Variants in SNED1 observed in about 807,000 individuals in gnomAD.
SNED1 encodes sushi, nidogen and EGF like domains 1.
A neutral mutation model predicts 166.7 loss-of-function variants in SNED1; 81 were observed. That is an observed-to-expected ratio of 0.49 (90% CI 0.41 to 0.58). The LOEUF (loss-of-function observed/expected upper bound fraction) is 0.58. SNED1 is among the 20% of genes least tolerant of loss of function. SNED1 has a pLI of 0.00. For synonymous variants in SNED1, 762 were observed against 822.0 expected, an observed-to-expected ratio of 0.93 and a Z score of 1.25; for missense variants, 1,604 against 2,000.2, an observed-to-expected ratio of 0.80 and a Z score of 3.78.
chr2:241,001,683 C>T (rs889871373), intron 1 of SNED1, among the ~76,000 whole-genome samples: 1 of 152,058 alleles, frequency 6.6e-6, no homozygotes, highest in Admixed American at 6.5e-5. Context: ...GAGTGGTTTC[C>T]TAGGGGCAGG....
In SNED1 at chr2:241,062,670, C is replaced by T. The variant is rs994250029; in HGVS notation, c.2258-121C>T. On this transcript the variant is annotated intron_variant, in intron 16 of 31. Coordinates refer to ENST00000310397, the MANE Select transcript of SNED1 (RefSeq NM_001080437.3). The stretch of plus-strand genomic sequence containing the variant: ...AGGATATCCAGCCCTGGTCTCTGGC[C>T]TTTCCAACCACTGATGATGTATCAT... The T allele has an allele frequency of 4.7e-5, 35 of 743,262 alleles. No individual in the cohort carries two copies. In the African/African-American group the frequency reaches 5.9e-4, roughly 12 times the overall value. The allele number at this position is 743,262 out of a possible 1,614,324, so 46.0% of individuals were successfully genotyped here. A position where few individuals can be genotyped will look rare whatever the true frequency, so the allele number is the denominator to read the frequency against.
In SNED1 at chr2:241,071,847, C is replaced by T. The variant is rs1363605202; in HGVS notation, c.3786C>T (p.Gly1262=). Residue 1262 remains glycine (G), a synonymous_variant, in exon 26 of 32, where the codon GGC becomes GGT. Transcript: ENST00000310397. ...GRGRVSARFG[G]SPSKAATVRS... is the part of the protein sequence containing the mutation. ...GAAGAGTGAGCGCCAGGTTCGGTGG[C>T]TCACCCAGCAAAGCAGCCACCGTGA... 6.2e-7 allele frequency: 1 copy of T among 1,605,392 alleles called. No individual in the cohort carries two copies. Among genetic ancestry groups the T allele is most frequent in the East Asian group, 2.2e-5 (1 of 44,568 alleles).
rs759100391 is a variant in SNED1, at chr2:241,033,785, C to T, written c.552C>T (p.Thr184=). ...VLITDGKLSF[T]IFNYESIVWT... ...TCACAGACGGCAAGCTCTCCTTCAC[C>T]ATCTTCAACTATGAGTCCATCGTGT... Residue 184 remains threonine (T), a synonymous_variant, in exon 3 of 32, where the codon ACC becomes ACT. Coordinates refer to ENST00000310397, the MANE Select transcript of SNED1 (RefSeq NM_001080437.3). 6.2e-7 allele frequency: 1 copy of T among 1,611,894 alleles called. No homozygotes were observed. Among genetic ancestry groups the T allele is most frequent in the Non-Finnish European group, 8.5e-7 (1 of 1,179,524 alleles).
chr2:241,057,380 A>AAAAAATATATATATATAT (rs377141068), intron 16 of SNED1, among the ~76,000 whole-genome samples: 1 of 118,132 alleles, frequency 8.5e-6, no homozygotes, highest in African/African-American at 3.8e-5. Context: ...TCCATCTCAA[A>AAAAAATATATATATATAT]ATATATATAT....
At position 241,030,295 on chromosome 2, in the gene SNED1, C is replaced by G; in HGVS notation, c.225C>G (p.Asn75Lys). The change falls in exon 2 of 32, where the codon AAC (asparagine) becomes AAG (lysine). Residue 75 changes from asparagine (N) to lysine (K), a missense_variant. Coordinates refer to ENST00000310397, the MANE Select transcript of SNED1 (RefSeq NM_001080437.3). The stretch of plus-strand genomic sequence containing the variant: ...TTTCTGCCTCCCAGGTGAACAACAA[C>G]GGGATCATCTCCTTCCTGAAGGAGG... ...AEHSGLYVNN[N>K]GIISFLKEVS... The G allele has an allele frequency of 1.3e-6, 2 of 1,588,710 alleles. No individual in the cohort carries two copies. The highest frequency in any genetic ancestry group is 1.7e-6 in the Non-Finnish European group (2 of 1,164,890).
chr2:241,034,610 C>T lies in SNED1; in HGVS notation c.685C>T (p.Pro229Ser). Residue 229 changes from proline (P) to serine (S), a missense_variant, in exon 4 of 32, where the codon CCC (proline) becomes TCC (serine). Pro to Ser is a moderately conservative substitution (Grantham distance 74, BLOSUM62 -1). Around this residue, in one of 2 missense-constraint regions of SNED1, gnomAD observed 1,237 missense variants for 1,620.8 expected, o/e 0.76. Coordinates refer to ENST00000310397, the MANE Select transcript of SNED1 (RefSeq NM_001080437.3). ...AGDGQRYFSI[P>S]GSRTADMAEV... ...CGATGGGCAGCGTTACTTCAGTATCCCCGGCTCGCGCACAGCAGACATGGC... is the reference window on the plus strand; with the variant it reads ...CGATGGGCAGCGTTACTTCAGTATCTCCGGCTCGCGCACAGCAGACATGGC... 1.2e-6 allele frequency: 2 copies of T among 1,611,366 alleles called. No homozygotes were observed. The highest frequency in any genetic ancestry group is 2.2e-5 in the South Asian group (2 of 90,962).
At position 241,063,639 on chromosome 2, in the gene SNED1, C is replaced by T; in HGVS notation, c.2424C>T (p.Asn808=). ...HPCRNGGSCR[N]LPGAYVCRCP... The stretch of plus-strand genomic sequence containing the variant: ...GCAGAAATGGAGGGTCCTGCAGGAA[C>T]CTCCCAGGGGCCTATGTCTGCCGGT... The change falls in exon 18 of 32, where the codon AAC becomes AAT. Residue 808 remains asparagine, a synonymous_variant. Transcript: ENST00000310397. 2.5e-6 allele frequency: 4 copies of T among 1,612,468 alleles called. No individual in the cohort carries two copies. Among genetic ancestry groups the T allele is most frequent in the Non-Finnish European group, 3.4e-6 (4 of 1,179,376 alleles).
At chr2:241,078,449 A>C (rs1221276278) in intron 27 of SNED1, among the ~76,000 whole-genome samples, 46 of 151,796 alleles carry the variant, frequency 3.0e-4, no homozygotes, top group Admixed American at 2.5e-3. Flanking sequence ...CACTCAATGG[A>C]ACACGATTCA....
In SNED1 at chr2:241,094,316, A is replaced by G. The variant is rs1208214312; in HGVS notation, c.*2680A>G. On this transcript the variant is annotated 3_prime_UTR_variant, in exon 32 of 32. Coordinates refer to ENST00000310397, the MANE Select transcript of SNED1 (RefSeq NM_001080437.3). The surrounding 1 kb of genome is among the most constrained non-coding windows in gnomAD (Gnocchi z 4.3). ...CTTAGCAGGAACTCCTTCCACTGGC[A>G]AAGGACTGCCACTGCCATCTGACTC... The G allele has an allele frequency of 2.1e-6, 1 of 470,182 alleles. No individual in the cohort carries two copies. The highest frequency in any genetic ancestry group is 2.3e-5 in the Admixed American group (1 of 42,576). 29.1% of individuals were successfully genotyped at this position (470,182 alleles called of 1,614,324 possible). A position where few individuals can be genotyped will look rare whatever the true frequency, so the allele number is the denominator to read the frequency against.
chr2:241,052,550 C>T (rs28615735), intron 15 of SNED1, 82 bp downstream of exon 15: 10,559 of 1,043,632 alleles, frequency 0.01, 399 homozygotes, highest in African/African-American at 0.055. Context: ...AAGCAGGGTA[C>T]ATGGGATACC....
chr2:241,037,938 G>A (rs978810091), intron 6 of SNED1, among the ~76,000 whole-genome samples: 2 of 152,126 alleles, frequency 1.3e-5, no homozygotes, highest in Admixed American at 6.5e-5. Flanking sequence ...ACCTCAGCTT[G>A]CCCTCCCAGT....
At position 241,067,754 on chromosome 2, in the gene SNED1, T is replaced by C; in HGVS notation, c.3011-10T>C. 6.3e-7 allele frequency: 1 copy of C among 1,594,918 alleles called. No individual in the cohort carries two copies. The highest frequency in any genetic ancestry group is 8.6e-7 in the Non-Finnish European group (1 of 1,165,378). On this transcript the variant is annotated splice_polypyrimidine_tract_variant and intron_variant, in intron 21 of 31. Coordinates refer to ENST00000310397, the MANE Select transcript of SNED1 (RefSeq NM_001080437.3). ...GGGCCGGCACCTGCTGAACAGTCCA[T>C]TCCCCCTAGGACCCCGCCCTGTGGA...
chr2:241,086,128 A>G (rs2063562530), intron 29 of SNED1, among the ~76,000 whole-genome samples: 1 of 152,058 alleles, frequency 6.6e-6, no homozygotes, highest in Non-Finnish European at 1.5e-5. Flanking sequence ...TGGCCTCCCA[A>G]AGTGCTGGTA....
In SNED1 at chr2:241,013,619, G is replaced by A. The variant is rs1441299411; in HGVS notation, c.213+14569G>A. ...CCTCCCAAAGTGCTGGGGGTTATAG[G>A]CGTGAACCACCACACCTGGCTGAGT... is the stretch of plus-strand genomic sequence containing the variant. On this transcript the variant is annotated intron_variant, in intron 1 of 31. Transcript: ENST00000310397. The surrounding 1 kb of genome is among the most constrained non-coding windows in gnomAD (Gnocchi z 4.6). 6.6e-6 allele frequency among the ~76,000 whole-genome samples: 1 copy of A among 152,030 alleles called. No individual in the cohort carries two copies. Among genetic ancestry groups the A allele is most frequent in the Non-Finnish European group, 1.5e-5 (1 of 67,994 alleles).
Position 241,030,504 on chromosome 2 carries a change from ATGCCACCTGGGTTTTTGT to A in SNED1, c.445_462del (p.Val149_Trp154del). ...TACTTCCCCGAGCTCCTGGACTTCA[ATGCCACCTGGGTTTTTGT>A]TGCCACCTGGTACCGAGTGACCTTC... On this transcript the variant is annotated inframe_deletion, in exon 2 of 32. Coordinates refer to ENST00000310397, the MANE Select transcript of SNED1 (RefSeq NM_001080437.3). 1 of 1,613,900 alleles carries A rather than the reference ATGCCACCTGGGTTTTTGT, an allele frequency of 6.2e-7. No homozygotes were observed. The highest frequency in any genetic ancestry group is 8.5e-7 in the Non-Finnish European group (1 of 1,179,878).
chr2:241,037,583 G>T (rs1043695498), intron 6 of SNED1, among the ~76,000 whole-genome samples: 30 of 152,354 alleles, frequency 2.0e-4, no homozygotes, highest in African/African-American at 7.0e-4. Context: ...CTAGACCATG[G>T]CATTCGGACC....
In SNED1 at chr2:241,018,105, C is replaced by T. The variant is rs549150024; in HGVS notation, c.214-12179C>T. Among the ~76,000 whole-genome samples, 37 of 152,208 alleles carry T rather than the reference C, an allele frequency of 2.4e-4. No individual in the cohort carries two copies. The highest frequency in any genetic ancestry group is 4.8e-4 in the Non-Finnish European group (33 of 68,048). On this transcript the variant is annotated intron_variant, in intron 1 of 31. Transcript: ENST00000310397. This position sits in a 1 kb window ranked among gnomAD's most constrained non-coding sequence, Gnocchi z 5.4. Reference sequence around the variant, plus strand: ...TCACTCCCTCCCAGGTAACACGCAACCCGAGTAGCTCTGTCTGAGAACCGC... The same window carrying T: ...TCACTCCCTCCCAGGTAACACGCAATCCGAGTAGCTCTGTCTGAGAACCGC...
At chr2:241,044,770 G>A (rs1574971737) in intron 8 of SNED1, among the ~76,000 whole-genome samples, 1 of 152,138 alleles carries the variant, frequency 6.6e-6, no homozygotes, top group South Asian at 2.1e-4. Flanking sequence ...AAGGGGTTGG[G>A]TATTGTTTTT....
rs140732201 is a variant in SNED1 at position 240,999,891 on chromosome 2, C to A, written c.213+841C>A. On this transcript the variant is annotated intron_variant, in intron 1 of 31. Coordinates refer to ENST00000310397, the MANE Select transcript of SNED1 (RefSeq NM_001080437.3). This position sits in a 1 kb window ranked among gnomAD's most constrained non-coding sequence, Gnocchi z 5.8. ...GTACCTGGTGGTTCCCTGAAACACC[C>A]CAGATCATATCTAGAAAACTGCTGG... 2.0e-5 allele frequency among the ~76,000 whole-genome samples: 3 copies of A among 152,144 alleles called. No homozygotes were observed. The highest frequency in any genetic ancestry group is 4.4e-5 in the Non-Finnish European group (3 of 68,014).
Sources: allele counts gnomAD v4.1 joint callset (sites outside exome capture counted in the v4.1 genomes callset), GRCh38; gene constraint gnomAD v4.1.1; regional missense constraint gnomAD v4.1.1; non-coding constraint Gnocchi (gnomAD v3.1); transcripts MANE v1.5; gene names NCBI Gene and HGNC (gene_info 2026-07-23, HGNC 2026-07-21).